Variants in KCNJ16 observed in about 807,000 individuals in gnomAD.
KCNJ16 encodes potassium inwardly rectifying channel subfamily J member 16, also known as inward rectifier potassium channel 16.
In KCNJ16, 15 loss-of-function variants were observed where a neutral mutation model predicts 18.5. The ratio of observed to expected loss-of-function variants is 0.81; its 90% CI spans 0.54 to 1.25. The LOEUF is 1.25. Ranked by LOEUF, KCNJ16 falls within the 50% of genes most tolerant of loss-of-function variation. The pLI, the probability that KCNJ16 is intolerant of heterozygous loss-of-function variation, is 0.00. For missense variants in KCNJ16, 523 were observed against 525.7 expected (o/e 0.99, Z 0.05); for synonymous variants, 174 against 186.5 (o/e 0.93, Z 0.55).
chr17:70,087,906 T>C (rs1035224789), intron 1 of KCNJ16, among the ~76,000 whole-genome samples: 1 of 146,996 alleles, frequency 6.8e-6, no homozygotes, highest in South Asian at 2.1e-4. Context: ...TAAAAGGAAA[T>C]GTCAAACGCT....
intron 1 of KCNJ16, among the ~76,000 whole-genome samples, chr17:70,091,054 C>A (rs1047612425): frequency 6.6e-6 from 1 of 152,128 alleles, no homozygotes; most frequent in Non-Finnish European, 1.5e-5. Flanking sequence ...TTTCTCCCAT[C>A]TGGAGAATGT....
chr17:70,105,813 TAGA>T (rs1042427186), intron 2 of KCNJ16, among the ~76,000 whole-genome samples: 58 of 152,330 alleles, frequency 3.8e-4, no homozygotes, highest in African/African-American at 1.3e-3. Flanking sequence ...TCCATTTCAC[TAGA>T]AGAAGTGGCA....
intron 1 of KCNJ16, among the ~76,000 whole-genome samples, chr17:70,094,930 T>C (rs2072285586): frequency 6.6e-6 from 1 of 152,218 alleles, no homozygotes; most frequent in African/African-American, 2.4e-5. Flanking sequence ...TGAGCATTTG[T>C]CACAGTAGGT....
chr17:70,094,407 A>G (rs557576338), intron 1 of KCNJ16, among the ~76,000 whole-genome samples: 1 of 152,336 alleles, frequency 6.6e-6, no homozygotes, highest in African/African-American at 2.4e-5. Flanking sequence ...ATCTTTCTAC[A>G]AGAGAAAACA....
intron 2 of KCNJ16, among the ~76,000 whole-genome samples, chr17:70,106,419 A>G (rs961387797): frequency 6.6e-5 from 10 of 152,198 alleles, no homozygotes; most frequent in African/African-American, 2.4e-4. Flanking sequence ...CACAAGGAGC[A>G]CAGAGTAAAT....
At chr17:70,111,808 C>T (rs1221561835) in intron 2 of KCNJ16, among the ~76,000 whole-genome samples, 2 of 152,108 alleles carry the variant, frequency 1.3e-5, no homozygotes, top group African/African-American at 4.8e-5. Context: ...CTCTCATTCT[C>T]TCTTGCTGCT....
At chr17:70,118,846 C>T (rs1011696543) in intron 2 of KCNJ16, among the ~76,000 whole-genome samples, 14 of 152,106 alleles carry the variant, frequency 9.2e-5, no homozygotes, top group Non-Finnish European at 4.4e-5. Flanking sequence ...ATGTCCTTCT[C>T]CCATTGCAAA....
chr17:70,103,286 A>ATATATGTGTGATATGTG lies in KCNJ16; in HGVS notation c.-191+2521_-191+2522insATATGTGTGATATGTGT, dbSNP rs1555589100. Among the ~76,000 whole-genome samples, 10 of 103,812 alleles carry ATATATGTGTGATATGTG rather than the reference A, an allele frequency of 9.6e-5. No individual in the cohort carries two copies. The East Asian group carries it at 2.9e-3, about 30-fold the overall frequency. The allele number at this position is 103,812 out of a possible 152,430, so 68.1% of individuals were successfully genotyped here. ...GTATATGTGTATATAATATGCATAT[A>ATATATGTGTGATATGTG]TGTGTGTGTGTATATATATATATAT... On this transcript the variant is annotated intron_variant, in intron 2 of 3. Transcript: ENST00000392671.
intron 2 of KCNJ16, among the ~76,000 whole-genome samples, chr17:70,108,808 C>G (rs890359962): frequency 9.2e-5 from 14 of 152,118 alleles, no homozygotes; most frequent in African/African-American, 3.4e-4. Context: ...TCCCTTTCTC[C>G]TTGCCCGTTT....
At chr17:70,116,003 T>C in intron 2 of KCNJ16, among the ~76,000 whole-genome samples, 1 of 152,182 alleles carries the variant, frequency 6.6e-6, no homozygotes, top group Admixed American at 6.6e-5. Context: ...TTAATATTCT[T>C]CAAAGTATTA....
chr17:70,132,628 A>G lies in KCNJ16; in HGVS notation c.541A>G (p.Thr181Ala), dbSNP rs1490070660. The change falls in exon 4 of 4, where the codon ACC becomes GCC. Residue 181 changes from threonine (T) to alanine (A), a missense_variant. Coordinates refer to ENST00000392671, the MANE Select transcript of KCNJ16 (RefSeq NM_170741.4). ...KMATARKRAQ[T>A]IRFSYFALIG... ...GGCAACTGCTCGAAAGAGAGCCCAA[A>G]CCATTCGTTTCAGCTACTTTGCACT... 6.2e-7 allele frequency: 1 copy of G among 1,614,184 alleles called. No individual in the cohort carries two copies. Among genetic ancestry groups the G allele is most frequent in the Admixed American group, 1.7e-5 (1 of 60,014 alleles).
chr17:70,127,725 A>C (rs1197501248), intron 2 of KCNJ16, among the ~76,000 whole-genome samples: 1 of 152,076 alleles, frequency 6.6e-6, no homozygotes, highest in Admixed American at 6.6e-5. Context: ...TCTCCACCCC[A>C]TCAGCTCTCA....
At chr17:70,112,663 ATT>A (rs1221533438) in intron 2 of KCNJ16, among the ~76,000 whole-genome samples, 1 of 152,148 alleles carries the variant, frequency 6.6e-6, no homozygotes, top group Non-Finnish European at 1.5e-5. Context: ...GCAAAAGGTA[ATT>A]TTATTACCAG....
At chr17:70,128,004 T>TA (rs2073913989) in intron 2 of KCNJ16, 1 of 152,224 alleles carries the variant, frequency 6.6e-6, no homozygotes, top group Admixed American at 6.5e-5. Context: ...ACCAGTGTCT[T>TA]AACCACTGTG....
intron 2 of KCNJ16, among the ~76,000 whole-genome samples, chr17:70,123,547 A>G (rs972914925): frequency 2.6e-5 from 4 of 152,188 alleles, no homozygotes; most frequent in African/African-American, 9.7e-5. Flanking sequence ...AAGGATGACT[A>G]TAAATAAAAG....
chr17:70,087,065 C>CT (rs142092333), intron 1 of KCNJ16, among the ~76,000 whole-genome samples: 66,442 of 140,844 alleles, frequency 0.47, 16,013 homozygotes, highest in African/African-American at 0.58. Context: ...CACCTAGCTA[C>CT]TTTTTTTTTT....
intron 2 of KCNJ16, among the ~76,000 whole-genome samples, chr17:70,110,122 T>C (rs543543514): frequency 6.6e-6 from 1 of 152,276 alleles, no homozygotes; most frequent in South Asian, 2.1e-4. Flanking sequence ...CATTCTTTTA[T>C]CTCTAATTTG....
intron 1 of KCNJ16, among the ~76,000 whole-genome samples, chr17:70,076,469 GAGAA>G (rs1029251938): frequency 1.3e-5 from 2 of 152,034 alleles, no homozygotes; most frequent in Non-Finnish European, 2.9e-5. Context: ...GAGAGAGAAA[GAGAA>G]AGAGAGCCTG....
intron 1 of KCNJ16, among the ~76,000 whole-genome samples, chr17:70,077,919 C>T (rs1381078906): frequency 6.6e-6 from 1 of 151,876 alleles, no homozygotes; most frequent in African/African-American, 2.4e-5. Context: ...AGAATGCTTT[C>T]CTATACAAAG....
Sources: gnomAD v4.1 joint callset for allele counts (sites outside exome capture counted in the v4.1 genomes callset) on GRCh38, gnomAD v4.1.1 for gene constraint, MANE v1.5 for transcripts, NCBI Gene and HGNC (gene_info 2026-07-23, HGNC 2026-07-21) for gene names.